Variants in MYO1H observed in about 807,000 individuals in gnomAD.
MYO1H encodes myosin IH.
In MYO1H, 118 loss-of-function variants were observed where a neutral mutation model predicts 149.3. That is an observed-to-expected ratio of 0.79 (90% CI 0.68 to 0.92). MYO1H has a LOEUF of 0.92. Ranked by LOEUF, MYO1H falls within the 40% of genes least tolerant of loss-of-function variation. MYO1H has a pLI of 0.00. For missense variants in MYO1H, 1,212 were observed against 1,280.7 expected, an observed-to-expected ratio of 0.95 and a Z score of 0.82; for synonymous variants, 447 against 465.2, an observed-to-expected ratio of 0.96 and a Z score of 0.50.
chr12:109,424,938 C>CT, intron 17 of MYO1H, 110 bp downstream of exon 17: 2 of 767,666 alleles, frequency 2.6e-6, no homozygotes, highest in South Asian at 3.1e-5. Context: ...GTATTACTCT[C>CT]TAACAGATTC....
chr12:109,323,220 G>A, the MYO1H span, among the ~76,000 whole-genome samples: 3 of 152,156 alleles, frequency 2.0e-5, no homozygotes, highest in Non-Finnish European at 1.5e-5. Context: ...TACCTTCTAG[G>A]TTTTTATCCT....
At chr12:109,395,714 G>A (rs979116865) in intron 3 of MYO1H, among the ~76,000 whole-genome samples, 9 of 147,636 alleles carry the variant, frequency 6.1e-5, no homozygotes, top group African/African-American at 1.0e-4. Context: ...TGGCCTGGGC[G>A]ACAGAGCGAG....
At chr12:109,438,080 T>C (rs1871942385) in intron 22 of MYO1H, among the ~76,000 whole-genome samples, 1 of 111,842 alleles carries the variant, frequency 8.9e-6, no homozygotes. Context: ...AGAGCAAGGC[T>C]CTGTCTAAAA....
At chr12:109,363,196 T>G (rs1407584677) in intron 1 of MYO1H, among the ~76,000 whole-genome samples, 1 of 152,266 alleles carries the variant, frequency 6.6e-6, no homozygotes, top group Admixed American at 6.5e-5. Flanking sequence ...GGTAAATTGT[T>G]TCTTTTTTCT....
At chr12:109,323,927 C>A in the MYO1H span, among the ~76,000 whole-genome samples, 3 of 151,806 alleles carry the variant, frequency 2.0e-5, no homozygotes, top group Non-Finnish European at 2.9e-5. Flanking sequence ...TGCTTGTAAT[C>A]CCAACATTTG....
chr12:109,412,953 TTTGTTG>T lies in MYO1H; in HGVS notation c.1502+992_1502+997del, dbSNP rs79763914. ...AGCACTTGCCACTACGCCCGGCTAA[TTTGTTG>T]TTGTTGTTGTTGTTGTTGTTGTTAT... On this transcript the variant is annotated intron_variant, in intron 14 of 31. Transcript: ENST00000310903. Among the ~76,000 whole-genome samples, 13 of 147,086 alleles carry T rather than the reference TTTGTTG, an allele frequency of 8.8e-5. No individual in the cohort carries two copies. In the South Asian group the frequency reaches 1.3e-3, roughly 15 times the overall value.
At chr12:109,366,180 C>T (rs1306735235) in intron 1 of MYO1H, among the ~76,000 whole-genome samples, 1 of 152,180 alleles carries the variant, frequency 6.6e-6, no homozygotes, top group Non-Finnish European at 1.5e-5. Context: ...CCCAGATGTG[C>T]CTTCTTCAGA....
the MYO1H span, among the ~76,000 whole-genome samples, chr12:109,332,055 T>G: frequency 6.6e-6 from 1 of 152,128 alleles, no homozygotes; most frequent in Non-Finnish European, 1.5e-5. Flanking sequence ...GCAAATGATT[T>G]AAAATGTATA....
chr12:109,368,640 T>TTAAA (rs1191962534), intron 1 of MYO1H, among the ~76,000 whole-genome samples: 1 of 113,212 alleles, frequency 8.8e-6, no homozygotes, highest in Non-Finnish European at 1.8e-5. Context: ...GACTCCATCT[T>TTAAA]AAAAAAAAAA....
chr12:109,371,213 C>CA (rs779917450), intron 1 of MYO1H, among the ~76,000 whole-genome samples: 1 of 118,346 alleles, frequency 8.4e-6, no homozygotes, highest in Non-Finnish European at 1.7e-5. Flanking sequence ...TTTTTTCTTT[C>CA]TTTTTTTTTT....
chr12:109,400,530 T>C (rs569774124), intron 5 of MYO1H, among the ~76,000 whole-genome samples: 2 of 152,358 alleles, frequency 1.3e-5, no homozygotes, highest in African/African-American at 4.8e-5. Flanking sequence ...TTCTTTCCTA[T>C]TGATTTGCAA....
chr12:109,370,857 C>G (rs1566019998), intron 1 of MYO1H, among the ~76,000 whole-genome samples: 1 of 152,178 alleles, frequency 6.6e-6, no homozygotes, highest in Non-Finnish European at 1.5e-5. Context: ...ATGAAAAAGA[C>G]TTACCCCTGA....
chr12:109,393,296 G>T (rs1407915064), intron 2 of MYO1H, 35 bp from the exon 3 acceptor site: 5 of 1,353,700 alleles, frequency 3.7e-6, no homozygotes, highest in Middle Eastern at 1.8e-4. Context: ...TTGCACCCCA[G>T]AATTCCTCAC....
chr12:109,430,440 G>T (rs1026187345), intron 19 of MYO1H, among the ~76,000 whole-genome samples: 2 of 152,140 alleles, frequency 1.3e-5, no homozygotes, highest in Admixed American at 1.3e-4. Context: ...CTGGTATTGC[G>T]CAAGGTCTGC....
chr12:109,347,852 T>C (rs1868371336), upstream of MYO1H: 1 of 398,590 alleles, frequency 2.5e-6, no homozygotes, highest in Admixed American at 4.4e-5. Flanking sequence ...AATCGCCTCA[T>C]ACCTTGTTGC....
At chr12:109,411,075 G>A (rs1488969140) in intron 13 of MYO1H, among the ~76,000 whole-genome samples, 2 of 152,162 alleles carry the variant, frequency 1.3e-5, no homozygotes, top group Non-Finnish European at 2.9e-5. Flanking sequence ...CCCGGAGGCA[G>A]AGGTTGCAGT....
At chr12:109,434,289 C>T (rs777164031) in intron 20 of MYO1H, among the ~76,000 whole-genome samples, 8 of 152,114 alleles carry the variant, frequency 5.3e-5, no homozygotes, top group Non-Finnish European at 8.8e-5. Flanking sequence ...GGATTGCAGG[C>T]GTGAGCCACC....
chr12:109,317,023 C>A, the MYO1H span, among the ~76,000 whole-genome samples: 1 of 152,198 alleles, frequency 6.6e-6, no homozygotes, highest in Non-Finnish European at 1.5e-5. Context: ...CAAAACCATA[C>A]CTGCAGATTC....
chr12:109,346,359 A>T (rs1413450975), upstream of MYO1H, among the ~76,000 whole-genome samples: 1 of 152,250 alleles, frequency 6.6e-6, no homozygotes, highest in East Asian at 1.9e-4. Flanking sequence ...CCCCACAGAT[A>T]CTGAGGTACA....
Sources: allele counts gnomAD v4.1 joint callset (sites outside exome capture counted in the v4.1 genomes callset), GRCh38; gene constraint gnomAD v4.1.1; transcripts MANE v1.5; gene names NCBI Gene and HGNC (gene_info 2026-07-23, HGNC 2026-07-21).